MYO1D: variants seen among roughly 807,000 people sequenced by gnomAD.
The protein encoded by MYO1D is myosin ID, also known as unconventional myosin-Id.
MYO1D carries 83 observed loss-of-function variants against 122.0 expected under a neutral mutation model. The ratio of observed to expected loss-of-function variants is 0.68; its 90% CI spans 0.57 to 0.82. MYO1D has a LOEUF of 0.82. MYO1D is among the 40% of genes least tolerant of loss of function. The pLI, the probability that MYO1D is intolerant of heterozygous loss-of-function variation, is 0.00. For missense variants in MYO1D, 1,157 were observed against 1,269.5 expected, an observed-to-expected ratio of 0.91 and a Z score of 1.35; for synonymous variants, 464 against 446.9, an observed-to-expected ratio of 1.04 and a Z score of -0.48.
chr17:32,623,540 T>G (rs1448596182), intron 20 of MYO1D, among the ~76,000 whole-genome samples: 1 of 152,196 alleles, frequency 6.6e-6, no homozygotes, highest in Non-Finnish European at 1.5e-5. Context: ...CTTATACTAC[T>G]CTTGTTTAAG....
At chr17:32,613,493 A>C (rs1249139738) in intron 20 of MYO1D, among the ~76,000 whole-genome samples, 2 of 152,120 alleles carry the variant, frequency 1.3e-5, no homozygotes, top group Non-Finnish European at 2.9e-5. Flanking sequence ...ACCTCAATAT[A>C]GGCCAGGTGC....
chr17:32,822,761 C>T (rs76003427), intron 1 of MYO1D, among the ~76,000 whole-genome samples: 1 of 151,422 alleles, frequency 6.6e-6, no homozygotes, highest in Non-Finnish European at 1.5e-5. Flanking sequence ...GCGGCGAGGC[C>T]CGGGGCGTCC....
chr17:32,495,030 G>A, intron 21 of MYO1D, 115 bp from the exon 22 acceptor site: 2 of 1,295,718 alleles, frequency 1.5e-6, no homozygotes, highest in South Asian at 1.5e-5. Flanking sequence ...CTCCACAAGT[G>A]CCAGGAGGAT....
At chr17:32,669,895 C>CTTTTTTTT (rs151075296) in intron 16 of MYO1D, among the ~76,000 whole-genome samples, 1 of 143,840 alleles carries the variant, frequency 7.0e-6, no homozygotes, top group African/African-American at 2.5e-5. Context: ...TTTTCTTTTT[C>CTTTTTTTT]TTTTTTCTTT....
Position 32,712,018 on chromosome 17 carries a change from C to T in MYO1D, c.2091G>A (p.Met697Ile), listed in dbSNP as rs760452726. The T allele has an allele frequency of 1.9e-6, 3 of 1,613,996 alleles. No individual in the cohort carries two copies. Among genetic ancestry groups the T allele is most frequent in the Admixed American group, 1.7e-5 (1 of 60,022 alleles). ...LFTLEELRAQ[M>I]LIRIVLFLQK... The stretch of plus-strand genomic sequence containing the variant: ...GTAGAAAGAGGACAATCCTTATGAG[C>T]ATCTGGGCACGGAGTTCTTCCAAGG... The change falls in exon 16 of 22, where the codon ATG (methionine) becomes ATA (isoleucine). Residue 697 changes from methionine (M) to isoleucine (I), a missense_variant. Transcript: ENST00000318217.
intron 1 of MYO1D, among the ~76,000 whole-genome samples, chr17:32,825,162 G>A (rs1767453680): frequency 6.6e-6 from 1 of 152,086 alleles, no homozygotes; most frequent in African/African-American, 2.4e-5. Context: ...GCTTGTTTGG[G>A]TGTACAACAT....
intron 1 of MYO1D, among the ~76,000 whole-genome samples, chr17:32,806,190 G>C (rs1438519243): frequency 6.6e-6 from 1 of 152,108 alleles, no homozygotes; most frequent in Admixed American, 6.5e-5. Flanking sequence ...CTCAGGAGGC[G>C]GAGGTTGCAG....
At chr17:32,745,450 A>G in intron 12 of MYO1D, 165 bp from the exon 13 acceptor site, 1 of 535,776 alleles carries the variant, frequency 1.9e-6, no homozygotes. Context: ...AAATTTACCT[A>G]CTAAATAGAA....
At chr17:32,695,081 A>AG (rs370534816) in intron 16 of MYO1D, among the ~76,000 whole-genome samples, 6 of 151,788 alleles carry the variant, frequency 4.0e-5, no homozygotes, top group African/African-American at 1.5e-4. Context: ...GCTTTCCCCT[A>AG]GATCAGTGGT....
At chr17:32,544,903 C>G (rs2086952971) in intron 21 of MYO1D, among the ~76,000 whole-genome samples, 1 of 152,174 alleles carries the variant, frequency 6.6e-6, no homozygotes, top group East Asian at 1.9e-4. Context: ...ATTAGTTGAT[C>G]TGGTAAAATA....
intron 10 of MYO1D, chr17:32,759,971 A>G (rs2089982732): frequency 1.9e-6 from 1 of 518,824 alleles, no homozygotes; most frequent in Non-Finnish European, 3.4e-6. Context: ...CAGCCAATTT[A>G]AGGTATAACT....
intron 1 of MYO1D, among the ~76,000 whole-genome samples, chr17:32,845,036 A>G (rs1180469808): frequency 6.6e-6 from 1 of 152,030 alleles, no homozygotes; most frequent in Non-Finnish European, 1.5e-5. Context: ...AGTTACACAC[A>G]TACCAAAGGA....
chr17:32,650,197 T>C (rs1020813544), intron 19 of MYO1D, among the ~76,000 whole-genome samples: 2 of 152,216 alleles, frequency 1.3e-5, no homozygotes, highest in Non-Finnish European at 2.9e-5. Flanking sequence ...ATTTGCTGGG[T>C]ATAGAATTCT....
intron 1 of MYO1D, among the ~76,000 whole-genome samples, chr17:32,798,116 A>T (rs1389038993): frequency 6.6e-6 from 1 of 152,272 alleles, no homozygotes; most frequent in Non-Finnish European, 1.5e-5. Flanking sequence ...GGATTGCATG[A>T]GTAGGAAAAC....
intron 1 of MYO1D, among the ~76,000 whole-genome samples, chr17:32,870,167 A>G (rs1359437559): frequency 6.6e-6 from 1 of 152,210 alleles, no homozygotes; most frequent in Non-Finnish European, 1.5e-5. Context: ...TCCAAAACCC[A>G]AATTCCCATT....
chr17:32,529,303 T>C (rs746166420), intron 21 of MYO1D, among the ~76,000 whole-genome samples: 3 of 147,994 alleles, frequency 2.0e-5, no homozygotes, highest in South Asian at 2.1e-4. Flanking sequence ...TCACAGAACA[T>C]AGCAGAGGCT....
intron 21 of MYO1D, among the ~76,000 whole-genome samples, chr17:32,514,548 T>A (rs190805557): frequency 7.2e-5 from 11 of 152,316 alleles, no homozygotes; most frequent in Admixed American, 3.9e-4. Context: ...GGAGGGAAAG[T>A]CTAATCCTTG....
At chr17:32,760,236 A>G in intron 10 of MYO1D, 54 bp downstream of exon 10, 1 of 1,376,600 alleles carries the variant, frequency 7.3e-7, no homozygotes, top group South Asian at 1.2e-5. Flanking sequence ...AAAATTTGAC[A>G]TTATCAATAA....
intron 20 of MYO1D, among the ~76,000 whole-genome samples, chr17:32,632,144 G>C (rs915470054): frequency 7.9e-5 from 12 of 152,252 alleles, no homozygotes; most frequent in African/African-American, 2.6e-4. Context: ...GCTCCATAAA[G>C]TCTAGAATAA....
Sources: allele counts gnomAD v4.1 joint callset (sites outside exome capture counted in the v4.1 genomes callset), GRCh38; gene constraint gnomAD v4.1.1; transcripts MANE v1.5; gene names NCBI Gene and HGNC (gene_info 2026-07-23, HGNC 2026-07-21).